The following ERG variants were observed in gnomAD, a reference collection of about 807,000 sequenced individuals.
The protein encoded by ERG is transcriptional regulator ERG.
Under a neutral mutation model 55.3 loss-of-function variants are expected in ERG, and 9 were observed. That is an observed-to-expected ratio of 0.16 (90% CI 0.10 to 0.28). The LOEUF is 0.28. Among genes scored for constraint, ERG ranks in the 10% least tolerant of loss-of-function variants. The pLI is 1.00. For missense variants in ERG, 434 were observed against 631.6 expected (o/e 0.69, Z 3.35); for synonymous variants, 223 against 237.3 (o/e 0.94, Z 0.55).
At chr21:38,636,249 G>A (rs779590404) in intron 1 of ERG, among the ~76,000 whole-genome samples, 5 of 152,142 alleles carry the variant, frequency 3.3e-5, no homozygotes, top group Admixed American at 6.5e-5. Flanking sequence ...TCAATTAAAC[G>A]TCTTTCCTTC....
At chr21:38,527,173 G>A (rs1332365657) in intron 2 of ERG, among the ~76,000 whole-genome samples, 1 of 152,150 alleles carries the variant, frequency 6.6e-6, no homozygotes, top group African/African-American at 2.4e-5. Context: ...CTAGCCCTTG[G>A]TGAAATTCAA....
At chr21:38,403,300 G>C (rs1309871377) in intron 4 of ERG, among the ~76,000 whole-genome samples, 1 of 152,134 alleles carries the variant, frequency 6.6e-6, no homozygotes, top group Non-Finnish European at 1.5e-5. Flanking sequence ...TCTCCTGAGA[G>C]CGCTGACTAC....
chr21:38,367,577 C>T, the ERG span: 1 of 511,512 alleles, frequency 2.0e-6, no homozygotes, highest in East Asian at 4.0e-5. Flanking sequence ...CCTTCTATGA[C>T]CCAGTCCCAG....
chr21:38,632,114 A>C (rs148361625), intron 1 of ERG, among the ~76,000 whole-genome samples: 1,602 of 152,234 alleles, frequency 0.011, 15 homozygotes, highest in Non-Finnish European at 0.015. Context: ...TCTGTAGCCA[A>C]CCATCCAGAT....
At chr21:38,593,007 G>A (rs918408930) in intron 1 of ERG, among the ~76,000 whole-genome samples, 1 of 152,220 alleles carries the variant, frequency 6.6e-6, no homozygotes, top group East Asian at 1.9e-4. Context: ...TAATGTGCCT[G>A]TGGGCACCAG....
chr21:38,588,560 G>A (rs1311203626), upstream of ERG, among the ~76,000 whole-genome samples: 2 of 152,084 alleles, frequency 1.3e-5, no homozygotes, highest in Non-Finnish European at 2.9e-5. Context: ...GGGGCCCCAA[G>A]TTTATGCTGA....
chr21:38,521,531 C>G (rs2059594483), intron 2 of ERG, among the ~76,000 whole-genome samples: 1 of 152,052 alleles, frequency 6.6e-6, no homozygotes, highest in Admixed American at 6.5e-5. Flanking sequence ...AAATTTAGAA[C>G]AATATTCAGG....
chr21:38,539,736 T>C (rs1244755185), intron 2 of ERG, among the ~76,000 whole-genome samples: 1 of 152,082 alleles, frequency 6.6e-6, no homozygotes, highest in Non-Finnish European at 1.5e-5. Flanking sequence ...TATATGTGCA[T>C]AGACGAGGAG....
chr21:38,659,771 G>T (rs1032919091), intron 1 of ERG, among the ~76,000 whole-genome samples: 3 of 152,114 alleles, frequency 2.0e-5, no homozygotes, highest in Non-Finnish European at 2.9e-5. Flanking sequence ...ATTTTATTGC[G>T]CAGTGTAGTC....
chr21:38,530,445 T>A (rs1266884570), intron 2 of ERG, among the ~76,000 whole-genome samples: 1 of 152,210 alleles, frequency 6.6e-6, no homozygotes, highest in Non-Finnish European at 1.5e-5. Flanking sequence ...CTTATTCCTA[T>A]GGTTCTAGTA....
At chr21:38,499,919 G>C (rs1210154910), upstream of ERG, among the ~76,000 whole-genome samples, 1 of 152,132 alleles carries the variant, frequency 6.6e-6, no homozygotes, top group Admixed American at 6.5e-5. Flanking sequence ...TATATTGTAA[G>C]AAAATCATTC....
intron 1 of ERG, among the ~76,000 whole-genome samples, chr21:38,479,238 T>A (rs2059215626): frequency 6.6e-6 from 1 of 152,212 alleles, no homozygotes; most frequent in African/African-American, 2.4e-5. Context: ...TACTTAAGTA[T>A]GAGTGTAACA....
intron 2 of ERG, among the ~76,000 whole-genome samples, chr21:38,517,799 C>T (rs1012035187): frequency 2.0e-5 from 3 of 152,168 alleles, no homozygotes; most frequent in African/African-American, 7.2e-5. Flanking sequence ...AATCATGTCA[C>T]TTGCAGCAAC....
intron 2 of ERG, among the ~76,000 whole-genome samples, chr21:38,518,941 A>C (rs1266843784): frequency 6.6e-6 from 1 of 152,220 alleles, no homozygotes; most frequent in Non-Finnish European, 1.5e-5. Flanking sequence ...TCAATCAATA[A>C]GAATACACAC....
intron 2 of ERG, among the ~76,000 whole-genome samples, chr21:38,567,477 C>T (rs1335582286): frequency 6.6e-6 from 1 of 152,118 alleles, no homozygotes; most frequent in Non-Finnish European, 1.5e-5. Flanking sequence ...CAGGGCTCAT[C>T]GGGATGTGCT....
chr21:38,500,559 G>A (rs117738918), upstream of ERG, among the ~76,000 whole-genome samples: 14 of 152,166 alleles, frequency 9.2e-5, no homozygotes, highest in East Asian at 2.3e-3. Context: ...TTGTCTACTG[G>A]TGCCAATGTA....
intron 2 of ERG, among the ~76,000 whole-genome samples, chr21:38,543,730 A>C (rs1181030522): frequency 7.2e-6 from 1 of 139,012 alleles, no homozygotes; most frequent in Non-Finnish European, 1.5e-5. Flanking sequence ...GTGATGTGTG[A>C]GAAACACTTT....
chr21:38,461,786 A>T (rs1569117896), intron 1 of ERG, among the ~76,000 whole-genome samples: 1 of 152,064 alleles, frequency 6.6e-6, no homozygotes, highest in South Asian at 2.1e-4. Context: ...ATTTGTGTTA[A>T]CATGCAATGA....
intron 1 of ERG, among the ~76,000 whole-genome samples, chr21:38,482,308 C>A (rs1219899367): frequency 1.3e-5 from 2 of 152,150 alleles, no homozygotes; most frequent in African/African-American, 4.8e-5. Flanking sequence ...ATCAAAGACA[C>A]AATGAGGTAT....
Sources: allele counts gnomAD v4.1 joint callset (sites outside exome capture counted in the v4.1 genomes callset), GRCh38; gene constraint gnomAD v4.1.1; transcripts MANE v1.5; gene names NCBI Gene and HGNC (gene_info 2026-07-23, HGNC 2026-07-21).